SRGAP1: variants seen among roughly 807,000 people sequenced by gnomAD.
The protein encoded by SRGAP1 is SLIT-ROBO Rho GTPase-activating protein 1.
SRGAP1 carries 43 observed loss-of-function variants against 121.9 expected under a neutral mutation model. That is an observed-to-expected ratio of 0.35 (90% CI 0.28 to 0.46). The LOEUF (loss-of-function observed/expected upper bound fraction) is 0.46. SRGAP1 is among the 20% of genes least tolerant of loss of function. The pLI is 1.00. For synonymous variants in SRGAP1, 447 were observed against 485.4 expected, an observed-to-expected ratio of 0.92 and a Z score of 1.04; for missense variants, 1,102 against 1,350.9, an observed-to-expected ratio of 0.82 and a Z score of 2.89.
intron 3 of SRGAP1, among the ~76,000 whole-genome samples, chr12:64,014,695 A>C (rs187720119): frequency 1.3e-5 from 2 of 152,050 alleles, no homozygotes; most frequent in African/African-American, 4.8e-5. Context: ...ATAACCCCAA[A>C]CCTAAATCTT....
At chr12:64,031,260 G>T (rs1001612284) in intron 4 of SRGAP1, among the ~76,000 whole-genome samples, 6 of 147,744 alleles carry the variant, frequency 4.1e-5, no homozygotes, top group African/African-American at 7.5e-5. Context: ...GGAGGTTGCA[G>T]TGAGCCGAGA....
At chr12:64,084,613 G>A (rs978879391) in intron 10 of SRGAP1, among the ~76,000 whole-genome samples, 5 of 152,144 alleles carry the variant, frequency 3.3e-5, no homozygotes, top group African/African-American at 9.7e-5. Context: ...TGCAAAGCAC[G>A]CTCTTGGTTC....
chr12:64,129,176 A>G (rs1438553497), intron 21 of SRGAP1, among the ~76,000 whole-genome samples: 4 of 152,140 alleles, frequency 2.6e-5, no homozygotes, highest in African/African-American at 9.7e-5. Context: ...ATATATATAC[A>G]TATAAAGGGG....
At chr12:64,057,459 G>C (rs1240307434) in intron 6 of SRGAP1, among the ~76,000 whole-genome samples, 2 of 152,068 alleles carry the variant, frequency 1.3e-5, no homozygotes, top group African/African-American at 2.4e-5. Flanking sequence ...TGTATAGTTA[G>C]GAAAATAGAG....
Position 63,984,277 on chromosome 12 carries a change from C to G in SRGAP1, c.263+135C>G, listed in dbSNP as rs867054517. The G allele has an allele frequency of 2.3e-4, 96 of 425,414 alleles. No individual in the cohort carries two copies. In the Middle Eastern group the frequency reaches 2.5e-3, roughly 11 times the overall value. 26.4% of individuals were successfully genotyped at this position (425,414 alleles called of 1,614,324 possible). A position where few individuals can be genotyped will look rare whatever the true frequency, so the allele number is the denominator to read the frequency against. The stretch of plus-strand genomic sequence containing the variant: ...CATATTCTCATAAATAAAAGCAGCC[C>G]TCTACATTTGTAACTTATGGGCATC... On this transcript the variant is annotated intron_variant, in intron 2 of 21. Transcript: ENST00000355086.
At chr12:63,883,891 G>A (rs1257023912) in intron 1 of SRGAP1, among the ~76,000 whole-genome samples, 4 of 151,140 alleles carry the variant, frequency 2.6e-5, no homozygotes, top group East Asian at 4.0e-4. Flanking sequence ...ATCTCCTGAC[G>A]TCGTGATCCG....
In SRGAP1 at chr12:64,142,416, C is replaced by T. The variant is rs1354060601; in HGVS notation, c.3002C>T (p.Thr1001Ile). 2.5e-6 allele frequency: 4 copies of T among 1,614,026 alleles called. No individual in the cohort carries two copies. Among genetic ancestry groups the T allele is most frequent in the Non-Finnish European group, 1.7e-6 (2 of 1,180,038 alleles). ...CTGGAGCAAGTGAAAAACTCTCCCA[C>T]CCCTGCCACTTCCACGGAATCTCTC... ...DTLEQVKNSP[T>I]PATSTESLSP... The change falls in exon 22 of 22, where the codon ACC becomes ATC. Residue 1001 changes from threonine to isoleucine, a missense_variant. Physicochemically the swap from Thr to Ile is moderately conservative, Grantham distance 89. Around this residue, in one of 3 missense-constraint regions of SRGAP1, gnomAD observed 315 missense variants for 343.1 expected, o/e 0.92. Coordinates refer to ENST00000355086, the MANE Select transcript of SRGAP1 (RefSeq NM_020762.4).
At chr12:63,965,257 G>GGGTTTTGGA (rs1252250322) in intron 1 of SRGAP1, among the ~76,000 whole-genome samples, 4 of 152,112 alleles carry the variant, frequency 2.6e-5, no homozygotes, top group African/African-American at 9.7e-5. Context: ...GACAGTATAT[G>GGGTTTTGGA]AACACATCAT....
chr12:64,012,174 G>C (rs775477755), intron 3 of SRGAP1, among the ~76,000 whole-genome samples: 1 of 152,182 alleles, frequency 6.6e-6, no homozygotes, highest in African/African-American at 2.4e-5. Flanking sequence ...TAAAAACTTT[G>C]AGACTGTTCA....
chr12:63,956,276 G>C (rs2032465926), intron 1 of SRGAP1, among the ~76,000 whole-genome samples: 1 of 151,972 alleles, frequency 6.6e-6, no homozygotes, highest in African/African-American at 2.4e-5. Flanking sequence ...AACTTCCCAG[G>C]CTGGTCTGAA....
chr12:64,137,419 T>C (rs1239383315), intron 21 of SRGAP1, among the ~76,000 whole-genome samples: 1 of 152,228 alleles, frequency 6.6e-6, no homozygotes, highest in African/African-American at 2.4e-5. Context: ...TGAAAAGTGA[T>C]GTCACCCTCG....
intron 4 of SRGAP1, among the ~76,000 whole-genome samples, chr12:64,029,966 AAAATCCCATT>A (rs1299951069): frequency 6.6e-6 from 1 of 152,102 alleles, no homozygotes; most frequent in African/African-American, 2.4e-5. Context: ...GAGATTTCTT[AAAATCCCATT>A]TCCTTACCAT....
chr12:63,996,835 GA>G (rs1296504486), intron 3 of SRGAP1, among the ~76,000 whole-genome samples: 1 of 151,936 alleles, frequency 6.6e-6, no homozygotes, highest in African/African-American at 2.4e-5. Context: ...TCAACCCTAT[GA>G]CTAACTTTTT....
At chr12:64,132,512 G>A (rs1417932483) in intron 21 of SRGAP1, among the ~76,000 whole-genome samples, 3 of 152,212 alleles carry the variant, frequency 2.0e-5, no homozygotes, top group African/African-American at 7.2e-5. Flanking sequence ...ACTAGGCGTT[G>A]TGCCTCTTTC....
chr12:63,861,603 A>AG (rs1335593943), intron 1 of SRGAP1, among the ~76,000 whole-genome samples: 1 of 152,102 alleles, frequency 6.6e-6, no homozygotes, highest in Non-Finnish European at 1.5e-5. Context: ...CCAGCCAGGC[A>AG]TAAATTTTTA....
At chr12:64,075,955 T>G (rs1050703163) in intron 8 of SRGAP1, among the ~76,000 whole-genome samples, 2 of 152,052 alleles carry the variant, frequency 1.3e-5, no homozygotes, top group African/African-American at 4.8e-5. Context: ...GATTTCCACT[T>G]CCTGTAATGA....
intron 12 of SRGAP1, among the ~76,000 whole-genome samples, chr12:64,094,521 C>A (rs1185744458): frequency 1.3e-5 from 2 of 152,094 alleles, no homozygotes; most frequent in African/African-American, 4.8e-5. Flanking sequence ...GACTTGTCAT[C>A]TAGGTGATGC....
At chr12:63,959,141 C>T (rs1052303552) in intron 1 of SRGAP1, among the ~76,000 whole-genome samples, 5 of 152,078 alleles carry the variant, frequency 3.3e-5, no homozygotes, top group East Asian at 3.9e-4. Context: ...TAACTTCATC[C>T]GTGCCAGAAA....
intron 1 of SRGAP1, among the ~76,000 whole-genome samples, chr12:63,915,053 C>T (rs2030715173): frequency 6.6e-6 from 1 of 152,046 alleles, no homozygotes; most frequent in African/African-American, 2.4e-5. Flanking sequence ...TTGTAAGAAA[C>T]CTCCATCATG....
Sources: allele counts gnomAD v4.1 joint callset (sites outside exome capture counted in the v4.1 genomes callset), GRCh38; gene constraint gnomAD v4.1.1; regional missense constraint gnomAD v4.1.1; transcripts MANE v1.5; gene names NCBI Gene and HGNC (gene_info 2026-07-23, HGNC 2026-07-21).